Variants in IQCB1 observed in about 807,000 individuals in gnomAD.
IQCB1 encodes IQ calmodulin-binding motif-containing protein 1.
In IQCB1, 56 loss-of-function variants were observed where a neutral mutation model predicts 84.4. The ratio of observed to expected loss-of-function variants is 0.66; its 90% CI spans 0.54 to 0.83. The LOEUF (loss-of-function observed/expected upper bound fraction) is 0.83, where lower values mean the gene tolerates loss of function less well. Ranked by LOEUF, IQCB1 falls within the 40% of genes least tolerant of loss-of-function variation. The probability of loss-of-function intolerance (pLI) is 0.00; values close to 1 mark genes in which losing one functional copy is unlikely to be tolerated. For missense variants in IQCB1, 629 were observed against 682.1 expected (o/e 0.92, Z 0.87); for synonymous variants, 210 against 234.8 (o/e 0.89, Z 0.96).
At chr3:121,800,166 A>C (rs1015560090) in intron 7 of IQCB1, among the ~76,000 whole-genome samples, 4 of 151,954 alleles carry the variant, frequency 2.6e-5, no homozygotes, top group Admixed American at 6.6e-5. Context: ...TTGCTTTATA[A>C]GTCATATTTT....
At chr3:121,799,927 G>A (rs190010443) in intron 7 of IQCB1, among the ~76,000 whole-genome samples, 1 of 151,970 alleles carries the variant, frequency 6.6e-6, no homozygotes, top group East Asian at 1.9e-4. Flanking sequence ...AAGGGTTAGT[G>A]AGTATCCTTT....
rs150073223 is a variant in IQCB1 at position 121,770,415 on chromosome 3, A to G, written c.1727T>C (p.Ile576Thr). The change falls in exon 15 of 15, where the codon ATT becomes ACT. Residue 576 changes from isoleucine to threonine, a missense_variant. By Grantham distance (89) the Ile-to-Thr change is moderately conservative (BLOSUM62 -1). Coordinates refer to ENST00000310864, the MANE Select transcript of IQCB1 (RefSeq NM_001023570.4). ...ACTAAGCTCATCCTTTGGAACATCAATCTCATCTCCAGATTCTTCTCCAAG... is the reference window on the plus strand; with the variant it reads ...ACTAAGCTCATCCTTTGGAACATCAGTCTCATCTCCAGATTCTTCTCCAAG... Reference protein sequence around the residue: ...KKLGEESGDEIDVPKDELSIE... With the variant: ...KKLGEESGDETDVPKDELSIE... 1.1e-5 allele frequency: 18 copies of G among 1,614,086 alleles called. No homozygotes were observed. The African/African-American group carries it at 2.0e-4, about 18-fold the overall frequency.
At chr3:121,774,827 C>T (rs571976356) in intron 13 of IQCB1, among the ~76,000 whole-genome samples, 7 of 152,242 alleles carry the variant, frequency 4.6e-5, no homozygotes, top group African/African-American at 1.7e-4. Context: ...GGTGGTGAAG[C>T]TTGCACAAAC....
intron 5 of IQCB1, among the ~76,000 whole-genome samples, chr3:121,813,759 C>G (rs1035690912): frequency 6.6e-6 from 1 of 152,128 alleles, no homozygotes; most frequent in Admixed American, 6.5e-5. Context: ...ACAGGAGCAC[C>G]CAGATTCATA....
chr3:121,820,521 G>C (rs1289629861), intron 5 of IQCB1, among the ~76,000 whole-genome samples: 1 of 152,032 alleles, frequency 6.6e-6, no homozygotes, highest in Non-Finnish European at 1.5e-5. Context: ...ATTCATAAGA[G>C]GACTTTCCAA....
rs776989189 is a variant in IQCB1, at chr3:121,781,874, C to T, written c.1279G>A (p.Ala427Thr). ...YKAAVTLQRAALKFLAKCRKK... is the reference protein window; with the variant it reads ...YKAAVTLQRATLKFLAKCRKK... Reference sequence around the variant, plus strand: ...CGGCACTTCGCTAGGAATTTAAGCGCCTGGAAGAAAAAAAATTGAAGGTTT... The same window carrying T: ...CGGCACTTCGCTAGGAATTTAAGCGTCTGGAAGAAAAAAAATTGAAGGTTT... The change falls in exon 13 of 15, where the codon GCG (alanine) becomes ACG (threonine). Residue 427 changes from alanine (A) to threonine (T), a missense_variant and splice_region_variant. Physicochemically the swap from Ala to Thr is moderately conservative, Grantham distance 58. Coordinates refer to ENST00000310864, the MANE Select transcript of IQCB1 (RefSeq NM_001023570.4). The T allele has an allele frequency of 5.3e-5, 86 of 1,612,542 alleles. No individual in the cohort carries two copies. The highest frequency in any genetic ancestry group is 6.9e-5 in the Non-Finnish European group (81 of 1,179,168).
chr3:121,800,259 C>T (rs1367477881), intron 7 of IQCB1, among the ~76,000 whole-genome samples: 1 of 151,958 alleles, frequency 6.6e-6, no homozygotes, highest in Non-Finnish European at 1.5e-5. Context: ...CTATTTTCCT[C>T]AAATTCTCCT....
chr3:121,780,794 T>A (rs1442992193), intron 13 of IQCB1, among the ~76,000 whole-genome samples: 1 of 152,120 alleles, frequency 6.6e-6, no homozygotes, highest in East Asian at 1.9e-4. Flanking sequence ...AAATATCACA[T>A]CAAGCCTCTA....
chr3:121,787,430 C>T (rs1948778689), intron 12 of IQCB1, among the ~76,000 whole-genome samples: 2 of 152,174 alleles, frequency 1.3e-5, no homozygotes, highest in Non-Finnish European at 2.9e-5. Flanking sequence ...TAGTACTATG[C>T]TCTAGAGAGA....
chr3:121,822,164 C>G (rs1048100933), intron 5 of IQCB1, among the ~76,000 whole-genome samples: 15 of 152,340 alleles, frequency 9.8e-5, no homozygotes, highest in African/African-American at 3.6e-4. Context: ...TAAACTCAGA[C>G]TATACCATCA....
chr3:121,815,992 T>C (rs1456402961), intron 5 of IQCB1, among the ~76,000 whole-genome samples: 2 of 147,816 alleles, frequency 1.4e-5, no homozygotes, highest in Non-Finnish European at 3.0e-5. Flanking sequence ...AGAACAAAGC[T>C]GGAGGCATCA....
At chr3:121,817,521 C>T (rs998742923) in intron 5 of IQCB1, among the ~76,000 whole-genome samples, 39 of 152,106 alleles carry the variant, frequency 2.6e-4, no homozygotes, top group African/African-American at 8.9e-4. Flanking sequence ...ACCTCTCATT[C>T]AATTTCATTC....
intron 13 of IQCB1, among the ~76,000 whole-genome samples, chr3:121,778,634 G>A (rs1283660774): frequency 6.6e-6 from 1 of 151,636 alleles, no homozygotes; most frequent in Non-Finnish European, 1.5e-5. Context: ...CGCCGGGGGT[G>A]GTGGCTCATG....
chr3:121,788,007 T>C (rs1948806298), intron 12 of IQCB1, among the ~76,000 whole-genome samples: 1 of 152,186 alleles, frequency 6.6e-6, no homozygotes, highest in Non-Finnish European at 1.5e-5. Flanking sequence ...CTCCTTATTC[T>C]TGAAGAACTC....
intron 14 of IQCB1, among the ~76,000 whole-genome samples, chr3:121,771,212 T>C (rs764934580): frequency 6.6e-6 from 1 of 151,484 alleles, no homozygotes; most frequent in Non-Finnish European, 1.5e-5. Context: ...CCTCAGATGA[T>C]CCACCTACCT....
At position 121,770,411 on chromosome 3, in the gene IQCB1, A is replaced by T; in HGVS notation, c.1731T>A (p.Asp577Glu). 1 of 1,614,240 alleles carries T rather than the reference A, an allele frequency of 6.2e-7. No homozygotes were observed. Among genetic ancestry groups the T allele is most frequent in the Non-Finnish European group, 8.5e-7 (1 of 1,180,040 alleles). The change falls in exon 15 of 15, where the codon GAT becomes GAA. Residue 577 changes from aspartate to glutamate, a missense_variant. Coordinates refer to ENST00000310864, the MANE Select transcript of IQCB1 (RefSeq NM_001023570.4). ...KLGEESGDEIDVPKDELSIEL... is the reference protein window; with the variant it reads ...KLGEESGDEIEVPKDELSIEL... ...CTATACTAAGCTCATCCTTTGGAAC[A>T]TCAATCTCATCTCCAGATTCTTCTC...
chr3:121,789,069 G>A (rs1948852263), intron 11 of IQCB1, among the ~76,000 whole-genome samples: 1 of 152,132 alleles, frequency 6.6e-6, no homozygotes, highest in Non-Finnish European at 1.5e-5. Context: ...GCCATTACCT[G>A]AGATGGGGAA....
chr3:121,814,467 A>G (rs1949970010), intron 5 of IQCB1, among the ~76,000 whole-genome samples: 1 of 152,254 alleles, frequency 6.6e-6, no homozygotes, highest in African/African-American at 2.4e-5. Context: ...CAAAAAATCA[A>G]TGAATCCAGG....
At chr3:121,789,785 G>C (rs1197205726) in intron 11 of IQCB1, among the ~76,000 whole-genome samples, 1 of 152,084 alleles carries the variant, frequency 6.6e-6, no homozygotes, top group African/African-American at 2.4e-5. Flanking sequence ...AAGTATCTTT[G>C]TGTCTCTAAC....
Sources: allele counts gnomAD v4.1 joint callset (sites outside exome capture counted in the v4.1 genomes callset), GRCh38; gene constraint gnomAD v4.1.1; transcripts MANE v1.5; gene names NCBI Gene and HGNC (gene_info 2026-07-23, HGNC 2026-07-21).